The following TARP variants were observed in gnomAD, a reference collection of about 807,000 sequenced individuals.
At chr7:38,271,334 G>C in the TARP span, among the ~76,000 whole-genome samples, 1 of 151,436 alleles carries the variant, frequency 6.6e-6, no homozygotes, top group African/African-American at 2.4e-5. Flanking sequence ...AATTTAGATA[G>C]AAAGTGCCAG....
chr7:38,273,611 G>A, the TARP span: 1 of 1,597,724 alleles, frequency 6.3e-7, no homozygotes, highest in African/African-American at 1.3e-5. Context: ...TTTGTTCCGG[G>A]ACCAAATACC....
At chr7:38,266,006 T>A in the TARP span, among the ~76,000 whole-genome samples, 1 of 151,458 alleles carries the variant, frequency 6.6e-6, no homozygotes, top group Admixed American at 6.6e-5. Context: ...GCTTCCAAAG[T>A]TCATGAGCAT....
the TARP span, among the ~76,000 whole-genome samples, chr7:38,261,419 G>T: frequency 0.013 from 1,904 of 151,574 alleles, 25 homozygotes; most frequent in Non-Finnish European, 0.019. Flanking sequence ...AGTTTTAAGA[G>T]GGTTAAACAA....
the TARP span, among the ~76,000 whole-genome samples, chr7:38,270,864 C>T: frequency 6.6e-6 from 1 of 150,828 alleles, no homozygotes; most frequent in Non-Finnish European, 1.5e-5. Flanking sequence ...AAGGCACTGC[C>T]CACTCTTCCA....
chr7:38,264,640 C>T, the TARP span, among the ~76,000 whole-genome samples: 1 of 150,594 alleles, frequency 6.6e-6, no homozygotes, highest in Non-Finnish European at 1.5e-5. Context: ...AAGGAAAACA[C>T]ATTATAAAAC....
chr7:38,273,448 G>C, the TARP span: 1 of 693,530 alleles, frequency 1.4e-6, no homozygotes, highest in Non-Finnish European at 2.4e-6. Context: ...GACTCCTAAG[G>C]CATGAACCAA....
At chr7:38,267,936 T>C in the TARP span, among the ~76,000 whole-genome samples, 358 of 151,646 alleles carry the variant, frequency 2.4e-3, 4 homozygotes, top group African/African-American at 8.3e-3. Flanking sequence ...CATTGCCTCT[T>C]GTCCCCTTTC....
the TARP span, among the ~76,000 whole-genome samples, chr7:38,266,644 A>T: frequency 1.3e-5 from 2 of 151,614 alleles, no homozygotes; most frequent in Admixed American, 1.3e-4. Context: ...CACTTGTTTT[A>T]AAGAGAATCT....
At chr7:38,265,104 G>A in the TARP span, among the ~76,000 whole-genome samples, 2 of 151,252 alleles carry the variant, frequency 1.3e-5, no homozygotes, top group South Asian at 4.2e-4. Flanking sequence ...AAACCAGCAC[G>A]TGACTTTCTT....
the TARP span, among the ~76,000 whole-genome samples, chr7:38,271,005 C>G: frequency 2.7e-5 from 4 of 150,476 alleles, no homozygotes; most frequent in African/African-American, 9.8e-5. Flanking sequence ...ACCTTTTTCT[C>G]CTTCTTTTGA....
chr7:38,261,428 A>T, the TARP span, among the ~76,000 whole-genome samples: 1,908 of 151,754 alleles, frequency 0.013, 27 homozygotes, highest in Non-Finnish European at 0.019. Flanking sequence ...AGGGTTAAAC[A>T]AGAAAATGCA....
the TARP span, among the ~76,000 whole-genome samples, chr7:38,270,504 A>G: frequency 2.6e-5 from 4 of 151,594 alleles, no homozygotes. Flanking sequence ...GTGTTTTTCA[A>G]AACAAGTGAG....
chr7:38,271,976 C>T, the TARP span, among the ~76,000 whole-genome samples: 4 of 150,866 alleles, frequency 2.7e-5, no homozygotes, highest in Admixed American at 1.3e-4. Flanking sequence ...TTTACATATT[C>T]GAGTTGGGGG....
At chr7:38,266,528 C>G in the TARP span, among the ~76,000 whole-genome samples, 5 of 151,882 alleles carry the variant, frequency 3.3e-5, no homozygotes, top group Admixed American at 3.3e-4. Context: ...TTTAAAACTC[C>G]TGCGCTCAAG....
chr7:38,269,645 AT>A, the TARP span: 1 of 572,048 alleles, frequency 1.7e-6, no homozygotes, highest in Non-Finnish European at 3.1e-6. Context: ...GTCCTGGTTC[AT>A]TTTGCTCATA....
the TARP span, among the ~76,000 whole-genome samples, chr7:38,270,084 A>G: frequency 6.6e-6 from 1 of 152,018 alleles, no homozygotes; most frequent in Non-Finnish European, 1.5e-5. Flanking sequence ...CCTGGGCAAC[A>G]GGGGAAGACC....
At chr7:38,265,183 T>C in the TARP span, among the ~76,000 whole-genome samples, 1 of 151,154 alleles carries the variant, frequency 6.6e-6, no homozygotes. Flanking sequence ...CTCCAAAACC[T>C]ATACCATTTT....
the TARP span, among the ~76,000 whole-genome samples, chr7:38,266,993 T>A: frequency 6.6e-6 from 1 of 151,696 alleles, no homozygotes; most frequent in African/African-American, 2.4e-5. Flanking sequence ...TATTTTGGAA[T>A]TTCATTTGAA....
At chr7:38,265,760 T>C in the TARP span, 97 of 1,053,296 alleles carry the variant, frequency 9.2e-5, 1 homozygote, top group South Asian at 1.5e-3. Context: ...GCCTAGTACA[T>C]AACCATAAAA....
Sources: gnomAD v4.1 joint callset for allele counts (sites outside exome capture counted in the v4.1 genomes callset) on GRCh38, gnomAD v4.1.1 for gene constraint, MANE v1.5 for transcripts.